Variants in RNF220 observed in about 807,000 individuals in gnomAD.
RNF220 encodes E3 ubiquitin-protein ligase RNF220.
RNF220 carries 7 observed loss-of-function variants against 67.1 expected under a neutral mutation model. The observed-to-expected ratio is 0.10, with a 90% CI of 0.06 to 0.20. RNF220 has a LOEUF of 0.20. Among genes scored for constraint, RNF220 ranks in the 10% least tolerant of loss-of-function variants. The pLI is 1.00. For missense variants in RNF220, 565 were observed against 740.3 expected (o/e 0.76, Z 2.75); for synonymous variants, 270 against 283.2 (o/e 0.95, Z 0.47).
At chr1:44,549,741 G>A (rs1404145420) in intron 2 of RNF220, among the ~76,000 whole-genome samples, 2 of 152,182 alleles carry the variant, frequency 1.3e-5, no homozygotes, top group East Asian at 1.9e-4. Context: ...CACCACGTTA[G>A]GTAAACACGC....
intron 2 of RNF220, among the ~76,000 whole-genome samples, chr1:44,550,608 G>A (rs41390645): frequency 0.03 from 4,564 of 152,200 alleles, 189 homozygotes; most frequent in East Asian, 0.13. Flanking sequence ...CCATCCTTAC[G>A]AGTAGGAACC....
chr1:44,597,984 C>G (rs1422769076), intron 2 of RNF220, among the ~76,000 whole-genome samples: 1 of 151,674 alleles, frequency 6.6e-6, no homozygotes, highest in Non-Finnish European at 1.5e-5. Flanking sequence ...CTCTCTCTCT[C>G]TCGTTCTCTC....
chr1:44,620,007 A>G (rs752990425), intron 3 of RNF220, among the ~76,000 whole-genome samples: 2 of 152,228 alleles, frequency 1.3e-5, no homozygotes, highest in Non-Finnish European at 2.9e-5. Flanking sequence ...TCTGACCCTG[A>G]ATGTCCCTGT....
chr1:44,432,441 T>C (rs550228507), intron 2 of RNF220, among the ~76,000 whole-genome samples: 1 of 152,086 alleles, frequency 6.6e-6, no homozygotes, highest in South Asian at 2.1e-4. Flanking sequence ...CAGTTAATTT[T>C]TGTATTTTTA....
chr1:44,492,567 T>C (rs1656948744), intron 2 of RNF220, among the ~76,000 whole-genome samples: 1 of 152,232 alleles, frequency 6.6e-6, no homozygotes, highest in African/African-American at 2.4e-5. Flanking sequence ...GTTCATACAA[T>C]GGAATATTTT....
chr1:44,608,054 G>A (rs945930953), intron 2 of RNF220, among the ~76,000 whole-genome samples: 6 of 151,988 alleles, frequency 3.9e-5, no homozygotes, highest in Admixed American at 6.6e-5. Flanking sequence ...CTCCCAAGTC[G>A]CTGGGACTAC....
In RNF220 at chr1:44,645,798, G is replaced by A. The variant is rs1455311294; in HGVS notation, c.1445+310G>A. ...GATGTATGGCCGCCCAGCCCAGCCG[G>A]CACACTTGATTCATCTCCAGTTTCT... On this transcript the variant is annotated intron_variant, in intron 12 of 14. Transcript: ENST00000361799. The surrounding 1 kb of genome is among the most constrained non-coding windows in gnomAD (Gnocchi z 5.0). 6.6e-6 allele frequency among the ~76,000 whole-genome samples: 1 copy of A among 152,264 alleles called. No individual in the cohort carries two copies. The highest frequency in any genetic ancestry group is 1.5e-5 in the Non-Finnish European group (1 of 68,050).
At position 44,651,197 on chromosome 1, in the gene RNF220, C is replaced by T. The variant is rs377764894; in HGVS notation, c.*422C>T. 3 of 200,256 alleles carry T rather than the reference C, an allele frequency of 1.5e-5. No individual in the cohort carries two copies. The highest frequency in any genetic ancestry group is 1.1e-4 in the East Asian group (1 of 8,726). The allele number at this position is 200,256 out of a possible 1,614,324, so 12.4% of individuals were successfully genotyped here. A position where few individuals can be genotyped will look rare whatever the true frequency, so the allele number is the denominator to read the frequency against. On this transcript the variant is annotated 3_prime_UTR_variant, in exon 15 of 15. Transcript: ENST00000361799. ...GTGTATAAATGGGACAACTCCTCGC[C>T]CTCTACCTGTCCCCTCCCCCTTTGG... is the stretch of plus-strand genomic sequence containing the variant.
intron 2 of RNF220, among the ~76,000 whole-genome samples, chr1:44,499,275 CT>C (rs1467453509): frequency 1.3e-5 from 2 of 152,200 alleles, no homozygotes; most frequent in Admixed American, 6.5e-5. Flanking sequence ...CCATTTCCCC[CT>C]GTAGCTACCT....
At chr1:44,476,052 A>G (rs1655275748) in intron 2 of RNF220, among the ~76,000 whole-genome samples, 1 of 152,056 alleles carries the variant, frequency 6.6e-6, no homozygotes, top group South Asian at 2.1e-4. Flanking sequence ...AAGAATATAT[A>G]CAGTATGATA....
intron 6 of RNF220, 46 bp downstream of exon 6, chr1:44,632,431 C>G (rs753437944): frequency 7.0e-7 from 1 of 1,438,848 alleles, no homozygotes; most frequent in Admixed American, 2.0e-5. Context: ...CCGGCCTCCT[C>G]CCTCCCTCCC....
rs141986404 is a variant in RNF220, at chr1:44,649,567, T to A, written c.1446-94T>A. The A allele has an allele frequency of 5.4e-5, 62 of 1,146,292 alleles. 1 individual carries two copies. The African/African-American group carries it at 7.6e-4, about 14-fold the overall frequency. The allele number at this position is 1,146,292 out of a possible 1,614,324, so 71.0% of individuals were successfully genotyped here. A position where few individuals can be genotyped will look rare whatever the true frequency, so the allele number is the denominator to read the frequency against. ...CAGGCAGGGATGCCTAGGGGACATT[T>A]ATGTATTTGGTTCTGGAATTCAAGG... On this transcript the variant is annotated intron_variant, in intron 12 of 14. Transcript: ENST00000361799. This position sits in a 1 kb window ranked among gnomAD's most constrained non-coding sequence, Gnocchi z 5.9.
chr1:44,440,824 AAG>A (rs912925538), intron 2 of RNF220, among the ~76,000 whole-genome samples: 1 of 152,192 alleles, frequency 6.6e-6, no homozygotes, highest in Admixed American at 6.5e-5. Context: ...ATGGAAGTAA[AAG>A]AGCTTAGAGC....
Position 44,645,681 on chromosome 1 carries a change from C to T in RNF220, c.1445+193C>T, listed in dbSNP as rs1184054204. Reference sequence around the variant, plus strand: ...ACTCTGTGAATTGATCACTGGGCCACGGCCCCAGAAGCCTTGGCGGTGGGA... The same window carrying T: ...ACTCTGTGAATTGATCACTGGGCCATGGCCCCAGAAGCCTTGGCGGTGGGA... On this transcript the variant is annotated intron_variant, in intron 12 of 14. Coordinates refer to ENST00000361799, the MANE Select transcript of RNF220 (RefSeq NM_018150.4). The surrounding 1 kb of genome is among the most constrained non-coding windows in gnomAD (Gnocchi z 5.0). 6.6e-6 allele frequency among the ~76,000 whole-genome samples: 1 copy of T among 152,220 alleles called. No homozygotes were observed.
intron 2 of RNF220, among the ~76,000 whole-genome samples, chr1:44,542,532 T>A (rs961073021): frequency 6.6e-6 from 1 of 152,180 alleles, no homozygotes; most frequent in African/African-American, 2.4e-5. Flanking sequence ...CAGCTAATCC[T>A]AATCTGTGTT....
chr1:44,616,833 C>CT (rs2148436301), intron 3 of RNF220, among the ~76,000 whole-genome samples: 1 of 152,274 alleles, frequency 6.6e-6, no homozygotes, highest in South Asian at 2.1e-4. Flanking sequence ...CCCCAGCTCT[C>CT]TGTCTGCCTC....
chr1:44,442,942 C>G (rs1651715195), intron 2 of RNF220, among the ~76,000 whole-genome samples: 1 of 152,208 alleles, frequency 6.6e-6, no homozygotes, highest in Non-Finnish European at 1.5e-5. Flanking sequence ...TCCCTGTTTG[C>G]TTTTCCACTC....
chr1:44,518,361 G>T (rs1230297204), intron 2 of RNF220, among the ~76,000 whole-genome samples: 2 of 152,126 alleles, frequency 1.3e-5, no homozygotes, highest in East Asian at 3.9e-4. Context: ...GGAGTTGGAG[G>T]CTGCAGTGAG....
intron 2 of RNF220, among the ~76,000 whole-genome samples, chr1:44,503,371 G>A (rs144390208): frequency 1.3e-5 from 2 of 148,330 alleles, no homozygotes; most frequent in Non-Finnish European, 3.0e-5. Context: ...GTTTACCAAG[G>A]AAAGCATTTT....
Sources: gnomAD v4.1 joint callset for allele counts (sites outside exome capture counted in the v4.1 genomes callset) on GRCh38, gnomAD v4.1.1 for gene constraint, Gnocchi (gnomAD v3.1) non-coding constraint, MANE v1.5 for transcripts, NCBI Gene and HGNC (gene_info 2026-07-23, HGNC 2026-07-21) for gene names.